SNX31: variants seen among roughly 807,000 people sequenced by gnomAD.
SNX31 encodes sorting nexin 31.
SNX31 carries 58 observed loss-of-function variants against 65.4 expected under a neutral mutation model. The observed-to-expected ratio is 0.89, with a 90% CI of 0.72 to 1.10. SNX31 has a LOEUF of 1.10. SNX31 is among the 50% of genes least tolerant of loss of function. The probability of loss-of-function intolerance (pLI) is 0.00; values close to 1 mark genes in which losing one functional copy is unlikely to be tolerated. For synonymous variants in SNX31, 181 were observed against 190.1 expected, an observed-to-expected ratio of 0.95 and a Z score of 0.39; for missense variants, 523 against 529.7, an observed-to-expected ratio of 0.99 and a Z score of 0.12.
chr8:100,651,013 C>T (rs1041933620), upstream of SNX31, among the ~76,000 whole-genome samples: 8 of 152,158 alleles, frequency 5.3e-5, no homozygotes, highest in Middle Eastern at 3.4e-3. Context: ...CCACCACACC[C>T]GGCTAATTTT....
intron 2 of SNX31, among the ~76,000 whole-genome samples, chr8:100,644,390 C>T (rs988219929): frequency 2.6e-5 from 4 of 152,202 alleles, no homozygotes; most frequent in Non-Finnish European, 4.4e-5. Context: ...GTTTCCCTCA[C>T]AGATTTCTTT....
At position 100,612,985 on chromosome 8, in the gene SNX31, T is replaced by C. The variant is rs1816848198; in HGVS notation, c.523+10A>G. The stretch of plus-strand genomic sequence containing the variant: ...TCTCCTAGCTGATTCATTTGTTCCT[T>C]CCTTCTTACCAGAGAGCTTGCCCTC... On this transcript the variant is annotated intron_variant, in intron 6 of 13. Transcript: ENST00000311812. This position sits in a 1 kb window ranked among gnomAD's most constrained non-coding sequence, Gnocchi z 4.3. 2 of 1,612,842 alleles carry C rather than the reference T, an allele frequency of 1.2e-6. No homozygotes were observed. Among genetic ancestry groups the C allele is most frequent in the Non-Finnish European group, 1.7e-6 (2 of 1,178,896 alleles).
intron 9 of SNX31, 69 bp downstream of exon 9, chr8:100,600,280 C>G: frequency 7.5e-7 from 1 of 1,336,638 alleles, no homozygotes; most frequent in Non-Finnish European, 1.1e-6. Context: ...GTTACAGAAA[C>G]AGTTCAATTC....
rs149844824 is a variant in SNX31 at position 100,630,396 on chromosome 8, A to G, written c.257-5T>C. On this transcript the variant is annotated splice_region_variant and splice_polypyrimidine_tract_variant and intron_variant, in intron 3 of 13. Coordinates refer to ENST00000311812, the MANE Select transcript of SNX31 (RefSeq NM_152628.4). This position sits in a 1 kb window ranked among gnomAD's most constrained non-coding sequence, Gnocchi z 5.3. ...ACACGTTTGGGTCCATGGTTACTGA[A>G]AAACATGGACGGTGAGCCAGGTTAG... 295 of 1,611,550 alleles carry G rather than the reference A, an allele frequency of 1.8e-4. 2 individuals are homozygous for G. The East Asian group carries it at 6.4e-3, about 35-fold the overall frequency.
At chr8:100,639,570 T>C (rs570529573) in intron 2 of SNX31, among the ~76,000 whole-genome samples, 51 of 151,248 alleles carry the variant, frequency 3.4e-4, no homozygotes, top group African/African-American at 1.2e-3. Context: ...ATGATCCATG[T>C]GGTAATGCAC....
chr8:100,583,863 T>G (rs1372297035), intron 12 of SNX31, among the ~76,000 whole-genome samples: 1 of 152,190 alleles, frequency 6.6e-6, no homozygotes, highest in African/African-American at 2.4e-5. Context: ...AGGGTTAGAA[T>G]TCTCAGTAAC....
At position 100,614,032 on chromosome 8, in the gene SNX31, T is replaced by C. The variant is rs977414916; in HGVS notation, c.433-947A>G. ...ACCAGGCTCACAGGGGGCCTTCTCT[T>C]GTCAGAGATACATAAATTACCCCCA... On this transcript the variant is annotated intron_variant, in intron 5 of 13. Coordinates refer to ENST00000311812, the MANE Select transcript of SNX31 (RefSeq NM_152628.4). The surrounding 1 kb of genome is among the most constrained non-coding windows in gnomAD (Gnocchi z 5.1). 6.6e-6 allele frequency among the ~76,000 whole-genome samples: 1 copy of C among 152,180 alleles called. No homozygotes were observed. The highest frequency in any genetic ancestry group is 2.4e-5 in the African/African-American group (1 of 41,446).
At chr8:100,631,702 A>G (rs1305304659) in intron 3 of SNX31, among the ~76,000 whole-genome samples, 6 of 152,142 alleles carry the variant, frequency 3.9e-5, no homozygotes, top group Admixed American at 3.3e-4. Flanking sequence ...TGTTTTCCAA[A>G]ATAAACGAAG....
At chr8:100,593,706 G>A (rs1814799299) in intron 10 of SNX31, among the ~76,000 whole-genome samples, 1 of 151,794 alleles carries the variant, frequency 6.6e-6, no homozygotes, top group Admixed American at 6.6e-5. Context: ...TGCCCACCTC[G>A]GCCTCCCAAA....
In SNX31 at chr8:100,649,560, C is replaced by A. The variant is rs1234979883; in HGVS notation, c.-46G>T. The A allele has an allele frequency of 2.0e-6, 3 of 1,532,652 alleles. No individual in the cohort carries two copies. Among genetic ancestry groups the A allele is most frequent in the South Asian group, 1.2e-5 (1 of 83,384 alleles). The allele number at this position is 1,532,652 out of a possible 1,614,324, so 94.9% of individuals were successfully genotyped here. ...GTAGCGCTGGGAACCCGACCTGCGG[C>A]GGCGGGCGGTGCGCGGCTCTGAACT... On this transcript the variant is annotated 5_prime_UTR_variant, in exon 1 of 14. Coordinates refer to ENST00000311812, the MANE Select transcript of SNX31 (RefSeq NM_152628.4).
At chr8:100,652,048 G>A (rs887753469), upstream of SNX31, among the ~76,000 whole-genome samples, 1 of 151,954 alleles carries the variant, frequency 6.6e-6, no homozygotes, top group East Asian at 1.9e-4. Context: ...GTGTGAGCTC[G>A]GCTCACTGCA....
At chr8:100,659,249 C>T (rs139343838) in intron 1 of SNX31, among the ~76,000 whole-genome samples, 14 of 150,750 alleles carry the variant, frequency 9.3e-5, no homozygotes, top group South Asian at 4.2e-4. Context: ...GGGAGGCTGA[C>T]GCAGGAGACT....
intron 4 of SNX31, among the ~76,000 whole-genome samples, chr8:100,624,765 C>T (rs1293251127): frequency 6.6e-6 from 1 of 151,850 alleles, no homozygotes; most frequent in South Asian, 2.1e-4. Context: ...GTAGAATTGG[C>T]TTGTATAAAA....
At chr8:100,574,977 G>C (rs553273742) in intron 13 of SNX31, among the ~76,000 whole-genome samples, 2 of 152,152 alleles carry the variant, frequency 1.3e-5, no homozygotes, top group Non-Finnish European at 2.9e-5. Context: ...ACATTTTAGA[G>C]GTTAGGGTTA....
At position 100,610,423 on chromosome 8, in the gene SNX31, C is replaced by A. The variant is rs1293896263; in HGVS notation, c.611+1577G>T. ...TCAATATAACAGTCACAAACATGAC[C>A]AAAACTTACTGAGCATATGGGACTA... is the stretch of plus-strand genomic sequence containing the variant. On this transcript the variant is annotated intron_variant, in intron 7 of 13. Coordinates refer to ENST00000311812, the MANE Select transcript of SNX31 (RefSeq NM_152628.4). This position sits in a 1 kb window ranked among gnomAD's most constrained non-coding sequence, Gnocchi z 4.0. Among the ~76,000 whole-genome samples, 3 of 151,210 alleles carry A rather than the reference C, an allele frequency of 2.0e-5. No homozygotes were observed. The highest frequency in any genetic ancestry group is 7.3e-5 in the African/African-American group (3 of 41,110).
intron 12 of SNX31, among the ~76,000 whole-genome samples, chr8:100,583,205 C>T (rs1441441812): frequency 2.6e-5 from 4 of 151,230 alleles, no homozygotes; most frequent in South Asian, 2.1e-4. Context: ...CTTCTGGGAT[C>T]AAGCAATTCT....
intron 9 of SNX31, among the ~76,000 whole-genome samples, chr8:100,599,511 A>G (rs148237527): frequency 1.1e-4 from 16 of 151,586 alleles, no homozygotes; most frequent in African/African-American, 3.9e-4. Flanking sequence ...GGGGGATATT[A>G]AATTGTGGCA....
At chr8:100,600,787 T>G (rs1191673638) in intron 8 of SNX31, among the ~76,000 whole-genome samples, 1 of 152,180 alleles carries the variant, frequency 6.6e-6, no homozygotes, top group East Asian at 1.9e-4. Context: ...GAATATCTTT[T>G]TTAAGATATA....
rs144963918 is a variant in SNX31 at position 100,644,813 on chromosome 8, T to C, written c.141+4461A>G. 8.2e-3 allele frequency among the ~76,000 whole-genome samples: 1,238 copies of C among 151,644 alleles called. 10 individuals carry two copies. The highest frequency in any genetic ancestry group is 0.014 in the Non-Finnish European group (975 of 67,970). On this transcript the variant is annotated intron_variant, in intron 2 of 13. Coordinates refer to ENST00000311812, the MANE Select transcript of SNX31 (RefSeq NM_152628.4). ...CCAAGTAGCTGGGATTATAGGCACA[T>C]GCCACCACACCTGGCTAATTTTTTG...
Sources: allele counts gnomAD v4.1 joint callset (sites outside exome capture counted in the v4.1 genomes callset), GRCh38; gene constraint gnomAD v4.1.1; non-coding constraint Gnocchi (gnomAD v3.1); transcripts MANE v1.5; gene names NCBI Gene and HGNC (gene_info 2026-07-23, HGNC 2026-07-21).